PFKM: variants seen among roughly 807,000 people sequenced by gnomAD.
PFKM encodes phosphofructokinase, muscle, also known as ATP-dependent 6-phosphofructokinase, muscle type.
PFKM carries 58 observed loss-of-function variants against 95.5 expected under a neutral mutation model. That is an observed-to-expected ratio of 0.61 (90% confidence interval 0.49 to 0.76). PFKM has a LOEUF of 0.76. Ranked by LOEUF, PFKM falls within the 30% of genes least tolerant of loss-of-function variation. The probability of loss-of-function intolerance (pLI) is 0.00; values close to 1 mark genes in which losing one functional copy is unlikely to be tolerated. For synonymous variants in PFKM, 336 were observed against 357.2 expected (o/e 0.94, Z 0.67); for missense variants, 678 against 1,005.4 (o/e 0.67, Z 4.40).
chr12:48,118,501 A>G (rs1363594860), upstream of PFKM: 4 of 1,510,146 alleles, frequency 2.6e-6, no homozygotes, highest in Non-Finnish European at 1.8e-6. Flanking sequence ...AGGTAGAGAT[A>G]CAAGTAAGCA....
chr12:48,135,444 C>A (rs1457634167), intron 10 of PFKM, 61 bp downstream of exon 10: 7 of 1,208,974 alleles, frequency 5.8e-6, no homozygotes, highest in Admixed American at 3.4e-5. Context: ...AGTCCTGCCC[C>A]CTCAGGGCTG....
At chr12:48,144,946 CTT>C (rs1410123395) in intron 20 of PFKM, 83 bp from the exon 21 acceptor site, 11 of 989,954 alleles carry the variant, frequency 1.1e-5, no homozygotes, top group Non-Finnish European at 1.6e-5. Context: ...TGGGGCCCAT[CTT>C]TCTTTTTTTC....
At position 48,145,606 on chromosome 12, in the gene PFKM, C is replaced by A. The variant is rs1350195023; in HGVS notation, c.2241C>A (p.Pro747=). Residue 747 remains proline, a synonymous_variant, in exon 23 of 23, where the codon CCC becomes CCA. Transcript: ENST00000359794. The surrounding 1 kb of genome is among the most constrained non-coding windows in gnomAD (Gnocchi z 4.3). The stretch of plus-strand genomic sequence containing the variant: ...AACAGTGGTGGCTGAAACTGAGGCC[C>A]ATCCTCAAAATCCTAGCCAAGTACG... The part of the protein sequence containing the change: ...PKEQWWLKLR[P]ILKILAKYEI... The A allele has an allele frequency of 6.2e-7, 1 of 1,613,896 alleles. No individual in the cohort carries two copies. The highest frequency in any genetic ancestry group is 8.5e-7 in the Non-Finnish European group (1 of 1,179,950).
At chr12:48,141,410 C>G in intron 15 of PFKM, 29 bp downstream of exon 15, 1 of 1,589,356 alleles carries the variant, frequency 6.3e-7, no homozygotes, top group Non-Finnish European at 8.6e-7. Flanking sequence ...GCACCTCCTC[C>G]CAGTCACCTC....
intron 11 of PFKM, among the ~76,000 whole-genome samples, chr12:48,138,072 C>G (rs1950257491): frequency 6.6e-6 from 1 of 152,180 alleles, no homozygotes; most frequent in Non-Finnish European, 1.5e-5. Flanking sequence ...GTGGGAGATT[C>G]TACATCCTCC....
chr12:48,115,985 CTA>C (rs2137683731), upstream of PFKM, among the ~76,000 whole-genome samples: 1 of 152,238 alleles, frequency 6.6e-6, no homozygotes, highest in Non-Finnish European at 1.5e-5. Context: ...TATGATGACT[CTA>C]TGTTTAACAT....
Position 48,143,826 on chromosome 12 carries a change from A to G in PFKM, c.1880+12A>G, listed in dbSNP as rs908623964. 8 of 1,602,552 alleles carry G rather than the reference A, an allele frequency of 5.0e-6. No homozygotes were observed. Among genetic ancestry groups the G allele is most frequent in the Admixed American group, 1.7e-5 (1 of 59,996 alleles). On this transcript the variant is annotated intron_variant, in intron 19 of 22. Coordinates refer to ENST00000359794, the MANE Select transcript of PFKM (RefSeq NM_000289.6). ...GGCTTGGTGTTAAGGTACCTCATCC[A>G]TGGTTTGTTCCTAAATGAAGAAGAA...
chr12:48,129,691 T>C (rs1364123332), intron 2 of PFKM, among the ~76,000 whole-genome samples: 1 of 152,220 alleles, frequency 6.6e-6, no homozygotes, highest in East Asian at 1.9e-4. Context: ...GTAACAGATA[T>C]ACTGTGAACT....
intron 10 of PFKM, chr12:48,137,252 G>A (rs1394613742): frequency 1.9e-5 from 4 of 208,492 alleles, no homozygotes; most frequent in Non-Finnish European, 3.9e-5. Flanking sequence ...TAGTAGAGAC[G>A]GGGTTCCACC....
chr12:48,117,349 T>C (rs149604593), upstream of PFKM, among the ~76,000 whole-genome samples: 16 of 152,370 alleles, frequency 1.1e-4, no homozygotes, highest in East Asian at 2.1e-3. Context: ...GCTAAATACT[T>C]AGGAGTGCTA....
chr12:48,128,325 T>G (rs1310068797), intron 2 of PFKM, among the ~76,000 whole-genome samples: 3 of 152,170 alleles, frequency 2.0e-5, no homozygotes, highest in Non-Finnish European at 2.9e-5. Flanking sequence ...AGACTACACT[T>G]AACTCCTGGG....
intron 19 of PFKM, 83 bp from the exon 20 acceptor site, chr12:48,143,963 A>T: frequency 8.4e-7 from 1 of 1,183,844 alleles, no homozygotes; most frequent in Non-Finnish European, 1.3e-6. Context: ...GAGGAGATAA[A>T]AATTGAAAGG....
chr12:48,136,475 A>T (rs1279660301), intron 10 of PFKM, among the ~76,000 whole-genome samples: 3 of 152,194 alleles, frequency 2.0e-5, no homozygotes, highest in Non-Finnish European at 4.4e-5. Context: ...AGCGACTATG[A>T]ACATTTGTGT....
intron 5 of PFKM, 71 bp downstream of exon 5, chr12:48,133,128 C>A: frequency 1.4e-6 from 2 of 1,461,170 alleles, no homozygotes; most frequent in Non-Finnish European, 1.9e-6. Flanking sequence ...CACACATCGC[C>A]CCCGCCCTGC....
Position 48,145,798 on chromosome 12 carries a change from T to C in PFKM, c.*90T>C. 2.1e-6 allele frequency: 3 copies of C among 1,400,620 alleles called. No individual in the cohort carries two copies. The South Asian group carries it at 3.5e-5, about 16-fold the overall frequency. The allele number at this position is 1,400,620 out of a possible 1,614,324, so 86.8% of individuals were successfully genotyped here. ...ATCTTCTCAGTGTTTTAGCTGTTTT[T>C]TTCATTAGGTTTCCTTTTATTCTGT... On this transcript the variant is annotated 3_prime_UTR_variant, in exon 23 of 23. Transcript: ENST00000359794. The surrounding 1 kb of genome is among the most constrained non-coding windows in gnomAD (Gnocchi z 4.3).
At chr12:48,144,960 CTGTG>C in intron 20 of PFKM, 67 bp from the exon 21 acceptor site, 1 of 1,096,698 alleles carries the variant, frequency 9.1e-7, no homozygotes, top group South Asian at 1.3e-5. Flanking sequence ...CTTTTTTTCT[CTGTG>C]TGTCTAGATA....
intron 14 of PFKM, 93 bp downstream of exon 14, chr12:48,140,964 C>T: frequency 1.5e-6 from 2 of 1,311,106 alleles, no homozygotes; most frequent in Non-Finnish European, 1.1e-6. Flanking sequence ...CTCTGTTCCT[C>T]ACTACCTCTC....
chr12:48,122,708 T>G (rs1041931174), intron 1 of PFKM, 59 bp from the exon 2 acceptor site: 2 of 1,611,420 alleles, frequency 1.2e-6, no homozygotes, highest in African/African-American at 2.7e-5. Context: ...TGCCGTTCCT[T>G]TAGCTAGTGG....
At chr12:48,131,526 C>T in intron 4 of PFKM, 133 bp downstream of exon 4, 1 of 733,338 alleles carries the variant, frequency 1.4e-6, no homozygotes, top group Non-Finnish European at 2.5e-6. Flanking sequence ...AGAGAGGGAC[C>T]CTATTTGCCC....
Sources: gnomAD v4.1 joint callset for allele counts (sites outside exome capture counted in the v4.1 genomes callset) on GRCh38, gnomAD v4.1.1 for gene constraint, Gnocchi (gnomAD v3.1) non-coding constraint, MANE v1.5 for transcripts, NCBI Gene and HGNC (gene_info 2026-07-23, HGNC 2026-07-21) for gene names.